ERBIN: variants seen among roughly 807,000 people sequenced by gnomAD.
The protein encoded by ERBIN is densin-180-like protein.
Under a neutral mutation model 158.4 loss-of-function variants are expected in ERBIN, and 60 were observed. The observed-to-expected ratio is 0.38, with a 90% CI of 0.31 to 0.47. The LOEUF (loss-of-function observed/expected upper bound fraction) is 0.47. ERBIN is among the 20% of genes least tolerant of loss of function. The pLI, the probability that ERBIN is intolerant of heterozygous loss-of-function variation, is 0.99. For synonymous variants in ERBIN, 594 were observed against 557.2 expected, an observed-to-expected ratio of 1.07 and a Z score of -0.93; for missense variants, 1,610 against 1,648.0, an observed-to-expected ratio of 0.98 and a Z score of 0.40.
At chr5:65,993,057 AT>A (rs1752046456) in intron 3 of ERBIN, 150 bp downstream of exon 3, 1 of 490,538 alleles carries the variant, frequency 2.0e-6, no homozygotes. Flanking sequence ...TACAATTCAA[AT>A]TTTTAAAAGT....
At chr5:66,061,635 G>T (rs372579226) in intron 21 of ERBIN, among the ~76,000 whole-genome samples, 3 of 152,314 alleles carry the variant, frequency 2.0e-5, no homozygotes, top group Non-Finnish European at 4.4e-5. Flanking sequence ...TTTCTTCCTA[G>T]CCTTGATGGT....
At chr5:65,966,991 C>T (rs1748716462) in intron 1 of ERBIN, among the ~76,000 whole-genome samples, 1 of 152,004 alleles carries the variant, frequency 6.6e-6, no homozygotes, top group African/African-American at 2.4e-5. Context: ...GATATAGGAG[C>T]TGGGCCTGGT....
At position 65,966,680 on chromosome 5, in the gene ERBIN, CAAAAAAAAAAAAAAA is replaced by C. The variant is rs70987105; in HGVS notation, c.-57-21940_-57-21926del. 3.4e-4 allele frequency among the ~76,000 whole-genome samples: 17 copies of C among 50,112 alleles called. 1 individual carries two copies. The highest frequency in any genetic ancestry group is 1.3e-3 in the Admixed American group (4 of 3,016). The allele number at this position is 50,112 out of a possible 152,430, so 32.9% of individuals were successfully genotyped here. On this transcript the variant is annotated intron_variant, in intron 1 of 25. Transcript: ENST00000284037. ...GGGCAACAAGAGTGAAACTCTGTCT[CAAAAAAAAAAAAAAA>C]AAAAAAAAAAAAAAGGTAACTGTAA...
chr5:66,007,622 A>G (rs981725565), intron 4 of ERBIN, among the ~76,000 whole-genome samples: 3 of 152,100 alleles, frequency 2.0e-5, no homozygotes, highest in African/African-American at 4.8e-5. Context: ...TGCAAAAGCT[A>G]CTGAGAAGGA....
At chr5:66,048,306 G>A (rs1418773637) in intron 18 of ERBIN, among the ~76,000 whole-genome samples, 3 of 151,862 alleles carry the variant, frequency 2.0e-5, no homozygotes, top group Admixed American at 6.6e-5. Context: ...GTAGTGTTGA[G>A]GAGCCACTAA....
At chr5:65,942,175 T>C (rs994006924) in intron 1 of ERBIN, among the ~76,000 whole-genome samples, 1 of 152,240 alleles carries the variant, frequency 6.6e-6, no homozygotes, top group African/African-American at 2.4e-5. Context: ...TTTTTCTTTT[T>C]AATTAGTACA....
chr5:65,970,076 A>G (rs535239391), intron 1 of ERBIN, among the ~76,000 whole-genome samples: 4 of 152,332 alleles, frequency 2.6e-5, no homozygotes, highest in African/African-American at 9.6e-5. Flanking sequence ...AGAAAGCATG[A>G]CATTTTAATT....
At chr5:65,975,878 G>C (rs1188989841) in intron 1 of ERBIN, among the ~76,000 whole-genome samples, 2 of 152,208 alleles carry the variant, frequency 1.3e-5, no homozygotes, top group Admixed American at 6.5e-5. Flanking sequence ...GTCACAATCA[G>C]TTTAGAGTAT....
At chr5:65,977,460 G>T (rs1391948971) in intron 1 of ERBIN, among the ~76,000 whole-genome samples, 1 of 151,326 alleles carries the variant, frequency 6.6e-6, no homozygotes, top group Non-Finnish European at 1.5e-5. Flanking sequence ...GCCAGGCAGA[G>T]GGTCTCCTCA....
At chr5:65,941,587 T>G (rs1745048276) in intron 1 of ERBIN, among the ~76,000 whole-genome samples, 2 of 151,800 alleles carry the variant, frequency 1.3e-5, no homozygotes, top group African/African-American at 4.9e-5. Flanking sequence ...ACAGTTATTT[T>G]GAGCCTTTAT....
intron 11 of ERBIN, 139 bp downstream of exon 11, chr5:66,025,691 T>C: frequency 2.3e-6 from 2 of 873,266 alleles, no homozygotes; most frequent in Non-Finnish European, 3.5e-6. Flanking sequence ...TGAGTGTGTT[T>C]ATGATAGACA....
intron 1 of ERBIN, among the ~76,000 whole-genome samples, chr5:65,958,448 G>A (rs1239600296): frequency 1.3e-5 from 2 of 152,172 alleles, no homozygotes; most frequent in Admixed American, 6.5e-5. Context: ...GCGAAACCCC[G>A]TCTCCACCAA....
chr5:66,040,153 T>C (rs1410211877), intron 15 of ERBIN, among the ~76,000 whole-genome samples: 1 of 151,888 alleles, frequency 6.6e-6, no homozygotes. Context: ...TTTACAATAA[T>C]CCTCCAAAAT....
intron 1 of ERBIN, among the ~76,000 whole-genome samples, chr5:65,965,382 G>GTTTTTTTTTTTTTTTTTTTTTTT (rs200847060): frequency 8.3e-5 from 8 of 96,058 alleles, no homozygotes; most frequent in South Asian, 3.5e-4. Flanking sequence ...GTTTTTTGTT[G>GTTTTTTTTTTTTTTTTTTTTTTT]TTTTTTTTTT....
In ERBIN at chr5:66,054,319, G is replaced by A. The variant is rs751880901; in HGVS notation, c.3001G>A (p.Asp1001Asn). The part of the protein sequence containing the change: ...LWHSKQNPQI[D>N]HASFPPQLLP... ...GCACTCCAAACAAAATCCCCAAATA[G>A]ACCATGCCAGTTTTCCTCCTCAGCT... Residue 1001 changes from aspartate (D) to asparagine (N), a missense_variant, in exon 21 of 26, where the codon GAC becomes AAC. Physicochemically the swap from Asp to Asn is conservative, Grantham distance 23. Transcript: ENST00000284037. The A allele has an allele frequency of 6.2e-7, 1 of 1,614,112 alleles. No individual in the cohort carries two copies. The highest frequency in any genetic ancestry group is 1.1e-5 in the South Asian group (1 of 91,074).
At chr5:66,027,873 A>C (rs1756444439) in intron 13 of ERBIN, among the ~76,000 whole-genome samples, 1 of 152,084 alleles carries the variant, frequency 6.6e-6, no homozygotes, top group South Asian at 2.1e-4. Context: ...TGCAGTTTTT[A>C]TAGCAAACTA....
intron 1 of ERBIN, among the ~76,000 whole-genome samples, chr5:65,959,920 A>G (rs1747727274): frequency 6.6e-6 from 1 of 152,212 alleles, no homozygotes; most frequent in South Asian, 2.1e-4. Context: ...GTTGGAGTTA[A>G]CTGGAACCTT....
At chr5:66,037,153 C>T (rs1757474701) in intron 14 of ERBIN, among the ~76,000 whole-genome samples, 1 of 151,906 alleles carries the variant, frequency 6.6e-6, no homozygotes, top group South Asian at 2.1e-4. Context: ...TGTTCATCTG[C>T]TAAGAAGCCA....
chr5:66,017,032 C>T (rs564996983), intron 7 of ERBIN, among the ~76,000 whole-genome samples: 2 of 152,118 alleles, frequency 1.3e-5, no homozygotes, highest in Admixed American at 6.6e-5. Flanking sequence ...CTGCAGGCAG[C>T]CTCTTTTATG....
Sources: allele counts gnomAD v4.1 joint callset (sites outside exome capture counted in the v4.1 genomes callset), GRCh38; gene constraint gnomAD v4.1.1; transcripts MANE v1.5; gene names NCBI Gene and HGNC (gene_info 2026-07-23, HGNC 2026-07-21).